The following ANKRD30BL variants were observed in gnomAD, a reference collection of about 807,000 sequenced individuals.
ANKRD30BL encodes putative ankyrin repeat domain-containing protein 30B-like.
Under a neutral mutation model 18.4 loss-of-function variants are expected in ANKRD30BL, and 20 were observed. That is an observed-to-expected ratio of 1.09 (90% CI 0.77 to 1.58). ANKRD30BL has a LOEUF of 1.58. Ranked by LOEUF, ANKRD30BL falls within the 40% of genes most tolerant of loss-of-function variation. ANKRD30BL has a pLI of 0.00. For missense variants in ANKRD30BL, 224 were observed against 268.6 expected, an observed-to-expected ratio of 0.83 and a Z score of 1.16; for synonymous variants, 72 against 100.9, an observed-to-expected ratio of 0.71 and a Z score of 1.72.
chr2:132,158,158 T>C (rs1384748510), intron 1 of ANKRD30BL, among the ~76,000 whole-genome samples: 11 of 152,142 alleles, frequency 7.2e-5, no homozygotes, highest in Non-Finnish European at 1.5e-5. Context: ...GTCTTAGTCA[T>C]AGGATTAACA....
At chr2:132,182,829 A>G (rs1475670890) in intron 1 of ANKRD30BL, among the ~76,000 whole-genome samples, 3 of 152,196 alleles carry the variant, frequency 2.0e-5, no homozygotes, top group Non-Finnish European at 2.9e-5. Context: ...ATGTGAAGGT[A>G]CCACATTTAT....
At chr2:132,154,355 CTA>C (rs959982539) in intron 4 of ANKRD30BL, among the ~76,000 whole-genome samples, 68 of 152,248 alleles carry the variant, frequency 4.5e-4, no homozygotes, top group African/African-American at 1.6e-3. Context: ...ATAAAGTAAA[CTA>C]AAAATTCATA....
upstream of ANKRD30BL, among the ~76,000 whole-genome samples, chr2:132,164,553 A>T (rs974711845): frequency 6.6e-6 from 1 of 151,622 alleles, no homozygotes; most frequent in Non-Finnish European, 1.5e-5. Context: ...GGCCTCCCAA[A>T]GTGCTGGGAT....
At chr2:132,230,622 C>A (rs536109790) in intron 1 of ANKRD30BL, among the ~76,000 whole-genome samples, 2 of 151,944 alleles carry the variant, frequency 1.3e-5, no homozygotes, top group South Asian at 4.1e-4. Flanking sequence ...CGCATTGAGG[C>A]CTTCATTGGA....
chr2:132,241,335 C>T (rs77328491), intron 1 of ANKRD30BL, among the ~76,000 whole-genome samples: 26 of 149,928 alleles, frequency 1.7e-4, no homozygotes, highest in African/African-American at 5.1e-4. Context: ...TTGTTGGAAA[C>T]GGGTATATCT....
chr2:132,186,396 G>A (rs1688560476), intron 1 of ANKRD30BL, among the ~76,000 whole-genome samples: 1 of 152,086 alleles, frequency 6.6e-6, no homozygotes, highest in South Asian at 2.1e-4. Context: ...TATTGAACAT[G>A]TATATGTTTA....
chr2:132,154,714 C>T lies in ANKRD30BL; in HGVS notation c.562G>A (p.Glu188Lys), dbSNP rs1459686369. The T allele has an allele frequency of 4.1e-6, 3 of 733,918 alleles. No homozygotes were observed. The highest frequency in any genetic ancestry group is 1.4e-5 in the South Asian group (1 of 69,350). The allele number at this position is 733,918 out of a possible 1,614,324, so 45.5% of individuals were successfully genotyped here. The change falls in exon 4 of 6, where the codon GAA becomes AAA. Residue 188 changes from glutamate (E) to lysine (K), a missense_variant. Physicochemically the swap from Glu to Lys is moderately conservative, Grantham distance 56. Transcript: ENST00000409867. ...TTTGCATTTTTTGTCAGTAAAAATT[C>T]CACAATTTCCTCACTTCTTTTCCTT... ...AIRKRSEEIV[E>K]FLLTKNANAN...
Position 132,245,990 on chromosome 2 carries a change from A to G in ANKRD30BL, n.441+11539T>C, listed in dbSNP as rs1164139426. ...AAAACTAGACAGAAGCATTCTCAGA[A>G]ACCTTTTGTGATGTGCGTACTCCAA... On this transcript the variant is annotated intron_variant and non_coding_transcript_variant, in intron 1 of 4. Transcript: ENST00000470729. Among the ~76,000 whole-genome samples, 3 of 151,934 alleles carry G rather than the reference A, an allele frequency of 2.0e-5. No homozygotes were observed. The East Asian group carries it at 5.8e-4, about 29-fold the overall frequency.
At chr2:132,212,655 A>T (rs1017055585) in intron 1 of ANKRD30BL, among the ~76,000 whole-genome samples, 2 of 151,982 alleles carry the variant, frequency 1.3e-5, no homozygotes, top group Admixed American at 1.3e-4. Flanking sequence ...AGTACTAGAC[A>T]GAATAATTCT....
intron 1 of ANKRD30BL, among the ~76,000 whole-genome samples, chr2:132,236,520 A>G (rs1469645583): frequency 6.6e-6 from 1 of 152,184 alleles, no homozygotes; most frequent in East Asian, 1.9e-4. Flanking sequence ...AAACACATGA[A>G]AAAATGCTCA....
upstream of ANKRD30BL, among the ~76,000 whole-genome samples, chr2:132,164,979 C>A (rs1305103147): frequency 2.0e-5 from 3 of 152,006 alleles, no homozygotes; most frequent in African/African-American, 7.2e-5. Flanking sequence ...GAGGCTGAGG[C>A]GTGAGAATGG....
chr2:132,235,227 T>G (rs559529515), intron 1 of ANKRD30BL, among the ~76,000 whole-genome samples: 1,625 of 152,222 alleles, frequency 0.011, 22 homozygotes, highest in African/African-American at 0.036. Flanking sequence ...CCACAGCCAA[T>G]ATCATACTGA....
intron 1 of ANKRD30BL, among the ~76,000 whole-genome samples, chr2:132,192,555 G>A (rs1678882326): frequency 6.6e-6 from 1 of 152,160 alleles, no homozygotes; most frequent in Non-Finnish European, 1.5e-5. Context: ...ACACCAGAAG[G>A]GAAAAGAAGT....
intron 1 of ANKRD30BL, among the ~76,000 whole-genome samples, chr2:132,237,236 T>A (rs907520997): frequency 2.0e-5 from 3 of 152,008 alleles, no homozygotes; most frequent in African/African-American, 7.2e-5. Context: ...GTAACTAACC[T>A]GCACAATGTG....
At chr2:132,222,240 C>A (rs1465021170) in intron 1 of ANKRD30BL, among the ~76,000 whole-genome samples, 2 of 149,368 alleles carry the variant, frequency 1.3e-5, no homozygotes, top group African/African-American at 2.5e-5. Context: ...CCCGGCCAGC[C>A]GCCCCATCCG....
chr2:132,171,061 CAGG>C (rs1688270823), intron 1 of ANKRD30BL, among the ~76,000 whole-genome samples: 1 of 150,426 alleles, frequency 6.6e-6, no homozygotes. Flanking sequence ...GAGGCTGAGG[CAGG>C]AGAATGGCGT....
At chr2:132,164,940 G>A (rs1381808000), upstream of ANKRD30BL, among the ~76,000 whole-genome samples, 1 of 152,122 alleles carries the variant, frequency 6.6e-6, no homozygotes, top group Non-Finnish European at 1.5e-5. Flanking sequence ...CAGGCGTGGT[G>A]GCAGGCACCT....
chr2:132,256,272 G>C (rs1680832687), intron 1 of ANKRD30BL, among the ~76,000 whole-genome samples: 1 of 150,734 alleles, frequency 6.6e-6, no homozygotes, highest in African/African-American at 2.4e-5. Context: ...CAGGGCGGGC[G>C]ATGGGGCGTG....
chr2:132,150,023 A>T (rs1460451666), intron 5 of ANKRD30BL, among the ~76,000 whole-genome samples: 1 of 152,094 alleles, frequency 6.6e-6, no homozygotes, highest in Non-Finnish European at 1.5e-5. Flanking sequence ...AGAGTTTTGG[A>T]GGAGTCAAAA....
Sources: allele counts gnomAD v4.1 joint callset (sites outside exome capture counted in the v4.1 genomes callset), GRCh38; gene constraint gnomAD v4.1.1; transcripts MANE v1.5; gene names NCBI Gene and HGNC (gene_info 2026-07-23, HGNC 2026-07-21).